The following DOK6 variants were observed in gnomAD, a reference collection of about 807,000 sequenced individuals.
DOK6 encodes the protein docking protein 6.
A neutral mutation model predicts 44.0 loss-of-function variants in DOK6; 22 were observed. That is an observed-to-expected ratio of 0.50 (90% confidence interval 0.36 to 0.71). The LOEUF (loss-of-function observed/expected upper bound fraction) is 0.71, where lower values mean the gene tolerates loss of function less well. Among genes scored for constraint, DOK6 ranks in the 30% least tolerant of loss-of-function variants. The pLI is 0.00. For synonymous variants in DOK6, 166 were observed against 145.5 expected, an observed-to-expected ratio of 1.14 and a Z score of -1.01; for missense variants, 340 against 416.4, an observed-to-expected ratio of 0.82 and a Z score of 1.60.
At position 69,675,809 on chromosome 18, in the gene DOK6, A is replaced by G. The variant is rs531819842; in HGVS notation, c.290-1925A>G. ...TTAGAAAATATTTTAAATCTTGTAT[A>G]CATTTTATAAATACTTATATATCTA... On this transcript the variant is annotated intron_variant, in intron 3 of 7. Transcript: ENST00000382713. Among the ~76,000 whole-genome samples the G allele has an allele frequency of 7.0e-4, 106 of 152,344 alleles. 1 individual carries two copies. The highest frequency in any genetic ancestry group is 2.5e-3 in the African/African-American group (104 of 41,600).
chr18:69,499,306 AT>A (rs1980984585), intron 1 of DOK6, among the ~76,000 whole-genome samples: 2 of 152,092 alleles, frequency 1.3e-5, no homozygotes, highest in Admixed American at 1.3e-4. Flanking sequence ...TTTTAAAATA[AT>A]TTTTTATCCT....
intron 2 of DOK6, among the ~76,000 whole-genome samples, chr18:69,581,314 T>G (rs1301591827): frequency 6.6e-6 from 1 of 152,216 alleles, no homozygotes; most frequent in Non-Finnish European, 1.5e-5. Context: ...CTTGTGACAA[T>G]ACTTTCTCTA....
At chr18:69,490,747 C>A (rs1980713300) in intron 1 of DOK6, among the ~76,000 whole-genome samples, 1 of 152,078 alleles carries the variant, frequency 6.6e-6, no homozygotes, top group Admixed American at 6.6e-5. Flanking sequence ...AGTTTTGTTT[C>A]TTTTAATTGA....
chr18:69,782,452 C>A (rs996753016), intron 7 of DOK6, among the ~76,000 whole-genome samples: 14 of 151,990 alleles, frequency 9.2e-5, no homozygotes, highest in Admixed American at 3.9e-4. Flanking sequence ...ACCTCGTGAT[C>A]CCCCCGCCTC....
At chr18:69,663,630 C>T (rs756584555) in intron 3 of DOK6, among the ~76,000 whole-genome samples, 3 of 152,068 alleles carry the variant, frequency 2.0e-5, no homozygotes, top group Non-Finnish European at 2.9e-5. Flanking sequence ...TGAGAAGAAT[C>T]GGGGAATTTT....
At chr18:69,694,599 A>G (rs934456934) in intron 4 of DOK6, among the ~76,000 whole-genome samples, 5 of 152,020 alleles carry the variant, frequency 3.3e-5, no homozygotes, top group Non-Finnish European at 7.4e-5. Flanking sequence ...TTCACAGGCA[A>G]TGTGTTTGGG....
intron 7 of DOK6, among the ~76,000 whole-genome samples, chr18:69,809,652 C>A (rs186686548): frequency 2.7e-5 from 4 of 150,848 alleles, no homozygotes; most frequent in Non-Finnish European, 5.9e-5. Context: ...GGTAAAGTTG[C>A]AGGATACAAA....
chr18:69,575,858 C>G (rs1983226304), intron 2 of DOK6, among the ~76,000 whole-genome samples: 1 of 152,040 alleles, frequency 6.6e-6, no homozygotes, highest in South Asian at 2.1e-4. Flanking sequence ...TGGGACAGGA[C>G]AGGTGGCTGT....
chr18:69,665,549 A>G (rs561569196), intron 3 of DOK6, among the ~76,000 whole-genome samples: 40 of 152,146 alleles, frequency 2.6e-4, no homozygotes, highest in African/African-American at 8.7e-4. Flanking sequence ...GAGTTTTCCA[A>G]TTTTCTATCG....
chr18:69,632,898 A>T (rs1034094067), intron 3 of DOK6, among the ~76,000 whole-genome samples: 1 of 152,182 alleles, frequency 6.6e-6, no homozygotes, highest in Non-Finnish European at 1.5e-5. Flanking sequence ...ATCACTTGTA[A>T]GACACAAGTA....
rs146436646 is a variant in DOK6 at position 69,449,449 on chromosome 18, T to C, written c.66+48139T>C. Reference sequence around the variant, plus strand: ...GTTCATATCTTAATAGCATATGTTATCGAAATACCTTAGCATTTGAAATAA... The same window carrying C: ...GTTCATATCTTAATAGCATATGTTACCGAAATACCTTAGCATTTGAAATAA... On this transcript the variant is annotated intron_variant, in intron 1 of 7. Transcript: ENST00000382713. Among the ~76,000 whole-genome samples the C allele has an allele frequency of 6.0e-4, 91 of 152,318 alleles. 1 individual carries two copies. The highest frequency in any genetic ancestry group is 2.1e-3 in the African/African-American group (88 of 41,580).
chr18:69,683,168 GA>G lies in DOK6; in HGVS notation c.409+5328del, dbSNP rs774666687. On this transcript the variant is annotated intron_variant, in intron 4 of 7. Transcript: ENST00000382713. ...TGAACAAAACCAACTTTTGCATCAG[GA>G]AAAAAAAAAAAACAAGCACACTCAC... Among the ~76,000 whole-genome samples, 1,290 of 139,034 alleles carry G rather than the reference GA, an allele frequency of 9.3e-3. 8 individuals carry two copies. The highest frequency in any genetic ancestry group is 0.019 in the African/African-American group (719 of 37,970). The allele number at this position is 139,034 out of a possible 152,430, so 91.2% of individuals were successfully genotyped here. A position where few individuals can be genotyped will look rare whatever the true frequency, so the allele number is the denominator to read the frequency against.
Position 69,815,070 on chromosome 18 carries a change from C to T in DOK6, c.857-26174C>T, listed in dbSNP as rs138413483. ...CTGCGTGCTCTGTTCCCTTTAATTC[C>T]TACCCCCAGAACAATAACTTGCAAT... is the stretch of plus-strand genomic sequence containing the variant. On this transcript the variant is annotated intron_variant, in intron 7 of 7. Transcript: ENST00000382713. Among the ~76,000 whole-genome samples, 197 of 152,214 alleles carry T rather than the reference C, an allele frequency of 1.3e-3. 2 individuals carry two copies. The highest frequency in any genetic ancestry group is 4.4e-3 in the African/African-American group (181 of 41,538).
chr18:69,826,238 T>A (rs567745941), intron 7 of DOK6, among the ~76,000 whole-genome samples: 6 of 152,336 alleles, frequency 3.9e-5, no homozygotes, highest in Admixed American at 2.0e-4. Flanking sequence ...TGACCCAAAG[T>A]AAGCTGGTAA....
chr18:69,559,284 A>G (rs994555065), intron 1 of DOK6, among the ~76,000 whole-genome samples: 1 of 151,748 alleles, frequency 6.6e-6, no homozygotes, highest in African/African-American at 2.4e-5. Flanking sequence ...GTGTATTTAC[A>G]TATTTCCACG....
chr18:69,706,397 G>T (rs74915214), intron 5 of DOK6, among the ~76,000 whole-genome samples: 3 of 152,002 alleles, frequency 2.0e-5, no homozygotes, highest in Non-Finnish European at 4.4e-5. Context: ...GCTTACAACC[G>T]AAAGTTTTCT....
intron 1 of DOK6, among the ~76,000 whole-genome samples, chr18:69,474,182 C>G (rs932165095): frequency 2.0e-5 from 3 of 152,064 alleles, no homozygotes; most frequent in African/African-American, 7.2e-5. Context: ...TTTCCTCCCT[C>G]TCCTGTTCTC....
intron 1 of DOK6, among the ~76,000 whole-genome samples, chr18:69,457,284 G>A (rs1164863399): frequency 1.3e-5 from 2 of 152,176 alleles, no homozygotes; most frequent in Admixed American, 1.3e-4. Flanking sequence ...ACATTCAGAT[G>A]TTATATTTAA....
chr18:69,649,919 T>G (rs1404733328), intron 3 of DOK6, among the ~76,000 whole-genome samples: 1 of 152,132 alleles, frequency 6.6e-6, no homozygotes, highest in Non-Finnish European at 1.5e-5. Context: ...AATCATGATT[T>G]TTTAAAAAGT....
Sources: allele counts gnomAD v4.1 joint callset (sites outside exome capture counted in the v4.1 genomes callset), GRCh38; gene constraint gnomAD v4.1.1; transcripts MANE v1.5; gene names NCBI Gene and HGNC (gene_info 2026-07-23, HGNC 2026-07-21).